CASD1: variants seen among roughly 807,000 people sequenced by gnomAD.
CASD1 encodes the protein CAS1 domain sialic acid O acetyltransferase 1.
In CASD1, 41 loss-of-function variants were observed where a neutral mutation model predicts 100.0. That is an observed-to-expected ratio of 0.41 (90% confidence interval 0.32 to 0.53). CASD1 has a LOEUF of 0.53. Ranked by LOEUF, CASD1 falls within the 20% of genes least tolerant of loss-of-function variation. The pLI is 0.25. For missense variants in CASD1, 774 were observed against 948.7 expected (o/e 0.82, Z 2.42); for synonymous variants, 321 against 315.6 (o/e 1.02, Z -0.18).
the CASD1 span, among the ~76,000 whole-genome samples, chr7:94,571,491 A>C: frequency 1.3e-5 from 2 of 152,252 alleles, no homozygotes; most frequent in South Asian, 4.1e-4. Flanking sequence ...ACTTATTTTT[A>C]GTAGAAATTT....
In CASD1 at chr7:94,537,605, G is replaced by T; in HGVS notation, c.977G>T (p.Gly326Val). 6.2e-7 allele frequency: 1 copy of T among 1,613,732 alleles called. No homozygotes were observed. The highest frequency in any genetic ancestry group is 1.7e-5 in the Admixed American group (1 of 59,966). Reference protein sequence around the residue: ...AACFFTLSIIGYLIFYIIHRN... With the variant: ...AACFFTLSIIVYLIFYIIHRN... ...TGTTTTTTCACTTTATCTATTATCG[G>T]ATATTTAATTTTTTACATAATTCAT... The change falls in exon 9 of 18, where the codon GGA becomes GTA. Residue 326 changes from glycine to valine, a missense_variant. Gly to Val is a moderately radical substitution (Grantham distance 109, BLOSUM62 -3). Around this residue, in one of 5 missense-constraint regions of CASD1, gnomAD observed 453 missense variants for 532.6 expected, o/e 0.85. Transcript: ENST00000297273.
intron 4 of CASD1, 144 bp from the exon 5 acceptor site, chr7:94,528,044 A>C (rs2116274922): frequency 1.6e-6 from 1 of 623,622 alleles, no homozygotes; most frequent in East Asian, 2.7e-5. Flanking sequence ...GACTCTTGCC[A>C]AATTAAGATA....
Position 94,554,576 on chromosome 7 carries a change from G to T in CASD1, c.2127+1G>T. ...TTGGTTTGGAAAAATTTCATTAGAG[G>T]TTGGTACATTAATATTTTGCTTATC... On this transcript the variant is annotated splice_donor_variant, in intron 17 of 17. Coordinates refer to ENST00000297273, the MANE Select transcript of CASD1 (RefSeq NM_022900.5). LOFTEE classifies it high-confidence loss of function. The T allele has an allele frequency of 6.3e-7, 1 of 1,590,354 alleles. No individual in the cohort carries two copies. Among genetic ancestry groups the T allele is most frequent in the Non-Finnish European group, 8.6e-7 (1 of 1,159,494 alleles).
intron 3 of CASD1, among the ~76,000 whole-genome samples, chr7:94,523,877 C>T (rs1393467629): frequency 6.6e-6 from 1 of 151,962 alleles, no homozygotes; most frequent in Non-Finnish European, 1.5e-5. Context: ...CTGTAGAGCT[C>T]TAAAATAGAA....
chr7:94,628,741 G>A, the CASD1 span: 10 of 178,084 alleles, frequency 5.6e-5, no homozygotes, highest in African/African-American at 4.8e-5. Context: ...ACTATCATAT[G>A]AGTATGAAAG....
chr7:94,549,769 T>A, intron 14 of CASD1, 135 bp downstream of exon 14: 1 of 587,266 alleles, frequency 1.7e-6, no homozygotes, highest in Non-Finnish European at 3.0e-6. Flanking sequence ...AGTCCAGCAG[T>A]CCACTACCCC....
At chr7:94,527,013 TCGGG>T in intron 3 of CASD1, 145 bp from the exon 4 acceptor site, 1 of 609,598 alleles carries the variant, frequency 1.6e-6, no homozygotes, top group African/African-American at 1.9e-5. Context: ...TTTTTCCCTT[TCGGG>T]TTGAATGTAT....
At chr7:94,571,692 CT>C in the CASD1 span, among the ~76,000 whole-genome samples, 1 of 152,018 alleles carries the variant, frequency 6.6e-6, no homozygotes, top group African/African-American at 2.4e-5. Context: ...GAAGATATGC[CT>C]GGTTTGCTTA....
chr7:94,533,016 T>C (rs1418356527), intron 5 of CASD1, among the ~76,000 whole-genome samples, 189 bp from the exon 6 acceptor site: 1 of 152,148 alleles, frequency 6.6e-6, no homozygotes, highest in Non-Finnish European at 1.5e-5. Flanking sequence ...GTTACAAGAT[T>C]TTAGGCATTG....
chr7:94,628,322 A>C, the CASD1 span: 6 of 1,611,242 alleles, frequency 3.7e-6, no homozygotes, highest in Non-Finnish European at 5.1e-6. Context: ...AACCCATTAA[A>C]TTTGTATTAA....
chr7:94,598,687 AAC>A, the CASD1 span: 1 of 966,320 alleles, frequency 1.0e-6, no homozygotes, highest in Non-Finnish European at 1.7e-6. Flanking sequence ...TAAACAAACA[AAC>A]ACAACAACAG....
intron 7 of CASD1, 138 bp downstream of exon 7, chr7:94,533,940 CTT>C (rs1794978933): frequency 2.7e-6 from 2 of 745,994 alleles, no homozygotes; most frequent in Admixed American, 3.2e-5. Context: ...TTAGAGTACA[CTT>C]GAGTTATTTG....
At chr7:94,580,820 T>C in the CASD1 span, among the ~76,000 whole-genome samples, 36 of 152,348 alleles carry the variant, frequency 2.4e-4, no homozygotes, top group South Asian at 4.1e-4. Flanking sequence ...TTCTCTTAGT[T>C]TCTTTTCAAA....
chr7:94,614,675 G>GAATTTA, the CASD1 span, among the ~76,000 whole-genome samples: 1 of 152,124 alleles, frequency 6.6e-6, no homozygotes, highest in African/African-American at 2.4e-5. Flanking sequence ...TTTTTCAGGT[G>GAATTTA]TAGAAATGTA....
At chr7:94,546,474 A>G (rs1795687891) in intron 12 of CASD1, among the ~76,000 whole-genome samples, 1 of 151,940 alleles carries the variant, frequency 6.6e-6, no homozygotes, top group Admixed American at 6.6e-5. Flanking sequence ...TTGGCTTCCA[A>G]TATAACATCA....
chr7:94,562,918 T>C, the CASD1 span, among the ~76,000 whole-genome samples: 4 of 152,208 alleles, frequency 2.6e-5, no homozygotes, highest in South Asian at 6.2e-4. Context: ...TGCCAGAGAA[T>C]GCTGGAGGAT....
the CASD1 span, chr7:94,621,730 A>G: frequency 6.6e-6 from 1 of 152,228 alleles, no homozygotes; most frequent in African/African-American, 2.4e-5. Flanking sequence ...AAACTTTTCA[A>G]TTATTCTGCT....
rs984545348 is a variant in CASD1 at position 94,555,850 on chromosome 7, T to C, written c.*92T>C. 1.2e-5 allele frequency: 16 copies of C among 1,309,512 alleles called. No individual in the cohort carries two copies. Among genetic ancestry groups the C allele is most frequent in the Non-Finnish European group, 1.7e-5 (16 of 958,080 alleles). 81.1% of individuals were successfully genotyped at this position (1,309,512 alleles called of 1,614,324 possible). On this transcript the variant is annotated 3_prime_UTR_variant, in exon 18 of 18. Coordinates refer to ENST00000297273, the MANE Select transcript of CASD1 (RefSeq NM_022900.5). Reference sequence around the variant, plus strand: ...ATCTATCTGGAGATATAAATGTGTATGTAAATATAAACGTTTGTGGCAAGA... The same window carrying C: ...ATCTATCTGGAGATATAAATGTGTACGTAAATATAAACGTTTGTGGCAAGA...
intron 14 of CASD1, among the ~76,000 whole-genome samples, chr7:94,551,077 G>A (rs1795924287): frequency 6.6e-6 from 1 of 151,882 alleles, no homozygotes; most frequent in Admixed American, 6.6e-5. Context: ...TACTTCACTT[G>A]CCACTGAGAC....
Sources: allele counts gnomAD v4.1 joint callset (sites outside exome capture counted in the v4.1 genomes callset), GRCh38; gene constraint gnomAD v4.1.1; regional missense constraint gnomAD v4.1.1; transcripts MANE v1.5; gene names NCBI Gene and HGNC (gene_info 2026-07-23, HGNC 2026-07-21).